Variants in GALNS observed in about 807,000 individuals in gnomAD.
GALNS encodes the protein galactosamine (N-acetyl)-6-sulfatase.
GALNS carries 65 observed loss-of-function variants against 65.9 expected under a neutral mutation model. The ratio of observed to expected loss-of-function variants is 0.99; its 90% CI spans 0.81 to 1.21. The LOEUF (loss-of-function observed/expected upper bound fraction) is 1.21. Ranked by LOEUF, GALNS falls within the 50% of genes most tolerant of loss-of-function variation. The pLI, the probability that GALNS is intolerant of heterozygous loss-of-function variation, is 0.00. For synonymous variants in GALNS, 346 were observed against 288.9 expected, an observed-to-expected ratio of 1.20 and a Z score of -2.00; for missense variants, 776 against 700.7, an observed-to-expected ratio of 1.11 and a Z score of -1.21.
chr16:88,823,945 C>G (rs996649631), intron 11 of GALNS, among the ~76,000 whole-genome samples: 1 of 152,178 alleles, frequency 6.6e-6, no homozygotes, highest in African/African-American at 2.4e-5. Context: ...GGGGCCTGCA[C>G]AGGGTGGGGA....
chr16:88,816,974 C>A, intron 13 of GALNS: 3 of 985,468 alleles, frequency 3.0e-6, no homozygotes, highest in Non-Finnish European at 3.6e-6. Context: ...CCACTGTGCT[C>A]GGTGGGCTCT....
In GALNS at chr16:88,817,309, T is replaced by C. The variant is rs1360507617; in HGVS notation, c.1482+698A>G. On this transcript the variant is annotated intron_variant, in intron 13 of 13. Coordinates refer to ENST00000268695, the MANE Select transcript of GALNS (RefSeq NM_000512.5). The stretch of plus-strand genomic sequence containing the variant: ...TTCAGTGAAACTTTGGAGGCACGTC[T>C]GTGCTTGTGTTTCTGGCCGATGCTG... The C allele has an allele frequency of 3.0e-6, 3 of 985,312 alleles. No homozygotes were observed. The East Asian group carries it at 3.4e-4, about 112-fold the overall frequency. The allele number at this position is 985,312 out of a possible 1,614,324, so 61.0% of individuals were successfully genotyped here.
rs1909393560 is a variant in GALNS, at chr16:88,814,196, C to A, written c.*243G>T. The A allele has an allele frequency of 1.7e-6, 1 of 594,338 alleles. No individual in the cohort carries two copies. The highest frequency in any genetic ancestry group is 2.9e-5 in the East Asian group (1 of 34,766). The allele number at this position is 594,338 out of a possible 1,614,324, so 36.8% of individuals were successfully genotyped here. A position where few individuals can be genotyped will look rare whatever the true frequency, so the allele number is the denominator to read the frequency against. On this transcript the variant is annotated 3_prime_UTR_variant, in exon 14 of 14. Coordinates refer to ENST00000268695, the MANE Select transcript of GALNS (RefSeq NM_000512.5). ...GCGTGAGACGGCAGGGTCCTGAGGTCTGAGGCGCCGTGGGCGAGGAGGAGG... is the reference window on the plus strand; with the variant it reads ...GCGTGAGACGGCAGGGTCCTGAGGTATGAGGCGCCGTGGGCGAGGAGGAGG...
At chr16:88,828,229 T>C (rs1911129158) in intron 9 of GALNS, among the ~76,000 whole-genome samples, 1 of 151,814 alleles carries the variant, frequency 6.6e-6, no homozygotes, top group African/African-American at 2.4e-5. Flanking sequence ...CCAGATGCTT[T>C]TGTCATCTGA....
intron 1 of GALNS, chr16:88,844,917 C>T (rs1967171879): frequency 6.6e-6 from 1 of 152,408 alleles, no homozygotes; most frequent in Admixed American, 6.5e-5. Flanking sequence ...AGCAGATGTG[C>T]ACGCTCTGTG....
intron 7 of GALNS, 74 bp from the exon 8 acceptor site, chr16:88,835,426 C>T (rs945857610): frequency 2.2e-5 from 35 of 1,573,938 alleles, no homozygotes; most frequent in Middle Eastern, 3.4e-4. Flanking sequence ...CAACGGCATA[C>T]TGTGATTCAC....
chr16:88,833,845 T>C (rs1318499025), intron 8 of GALNS, among the ~76,000 whole-genome samples: 2 of 152,262 alleles, frequency 1.3e-5, no homozygotes, highest in Non-Finnish European at 2.9e-5. Context: ...TAGGTACATA[T>C]ACCATTTGTT....
chr16:88,850,254 G>A (rs372599989), intron 1 of GALNS, among the ~76,000 whole-genome samples: 10 of 152,166 alleles, frequency 6.6e-5, no homozygotes, highest in Non-Finnish European at 1.2e-4. Context: ...CTGGGAGTGA[G>A]GCCGCACATC....
chr16:88,855,517 C>T (rs1178665575), intron 1 of GALNS: 2 of 702,228 alleles, frequency 2.8e-6, no homozygotes, highest in African/African-American at 1.7e-5. Flanking sequence ...CTCTGGAAAG[C>T]AGTCACTGCA....
chr16:88,850,375 T>A (rs1967450832), intron 1 of GALNS, among the ~76,000 whole-genome samples: 2 of 152,248 alleles, frequency 1.3e-5, no homozygotes, highest in Admixed American at 1.3e-4. Flanking sequence ...TGCGTCCGGA[T>A]CTGCTTGTGC....
chr16:88,836,562 G>A (rs940680568), intron 5 of GALNS, among the ~76,000 whole-genome samples: 1 of 152,144 alleles, frequency 6.6e-6, no homozygotes, highest in African/African-American at 2.4e-5. Context: ...GCTGAGGCAG[G>A]AGAATTGCTT....
intron 9 of GALNS, among the ~76,000 whole-genome samples, chr16:88,829,751 T>G (rs969842120): frequency 6.6e-6 from 1 of 152,192 alleles, no homozygotes; most frequent in Non-Finnish European, 1.5e-5. Flanking sequence ...TTTCCTGATG[T>G]GTAGAATGAG....
Position 88,856,862 on chromosome 16 carries a change from C to T in GALNS, c.16G>A (p.Ala6Thr). 1 of 1,509,996 alleles carries T rather than the reference C, an allele frequency of 6.6e-7. No homozygotes were observed. The highest frequency in any genetic ancestry group is 2.7e-5 in the East Asian group (1 of 37,122). 93.5% of individuals were successfully genotyped at this position (1,509,996 alleles called of 1,614,324 possible). A position where few individuals can be genotyped will look rare whatever the true frequency, so the allele number is the denominator to read the frequency against. The change falls in exon 1 of 14, where the codon GCG (alanine) becomes ACG (threonine). Residue 6 changes from alanine to threonine, a missense_variant. Coordinates refer to ENST00000268695, the MANE Select transcript of GALNS (RefSeq NM_000512.5). MAAVV[A>T]ATRWWQLLLV... ...AACAGCTGCCACCACCTCGTCGCCGCGACAACCGCCGCCATGGCAACCACG... is the reference window on the plus strand; with the variant it reads ...AACAGCTGCCACCACCTCGTCGCCGTGACAACCGCCGCCATGGCAACCACG...
rs1167248088 is a variant in GALNS, at chr16:88,813,803, C to G, written c.*636G>C. 6.4e-6 allele frequency: 1 copy of G among 155,314 alleles called. No homozygotes were observed. The highest frequency in any genetic ancestry group is 6.3e-5 in the Admixed American group (1 of 15,970). The allele number at this position is 155,314 out of a possible 1,614,324, so 9.6% of individuals were successfully genotyped here. ...ATAACATAGTTACAATGATAAGAAGCTACACGCCTCCCTCATAATTAGCGT... is the reference window on the plus strand; with the variant it reads ...ATAACATAGTTACAATGATAAGAAGGTACACGCCTCCCTCATAATTAGCGT... On this transcript the variant is annotated 3_prime_UTR_variant, in exon 14 of 14. Coordinates refer to ENST00000268695, the MANE Select transcript of GALNS (RefSeq NM_000512.5).
At chr16:88,851,101 T>A (rs1291307517) in intron 1 of GALNS, among the ~76,000 whole-genome samples, 1 of 152,112 alleles carries the variant, frequency 6.6e-6, no homozygotes, top group African/African-American at 2.4e-5. Flanking sequence ...ATCGGCGCCT[T>A]TCTTGGCTAT....
chr16:88,839,136 C>G (rs1199975482), intron 4 of GALNS, among the ~76,000 whole-genome samples: 1 of 151,774 alleles, frequency 6.6e-6, no homozygotes, highest in African/African-American at 2.4e-5. Context: ...CGCCCAACCA[C>G]AGGGGACACT....
chr16:88,848,438 C>T (rs753257254), intron 1 of GALNS, among the ~76,000 whole-genome samples: 17 of 152,122 alleles, frequency 1.1e-4, no homozygotes, highest in Non-Finnish European at 2.1e-4. Flanking sequence ...TCGAGACCAT[C>T]CTTGCTAACA....
rs763527731 is a variant in GALNS, at chr16:88,835,378, T to C, written c.759-26A>G. 17 of 1,612,796 alleles carry C rather than the reference T, an allele frequency of 1.1e-5. No homozygotes were observed. In the East Asian group the frequency reaches 3.8e-4, roughly 36 times the overall value. ...CTGCAGGATGGTGACAAAAGGCATC[T>C]CCATACCTGGAGGATGGTGACAAAT... On this transcript the variant is annotated intron_variant, in intron 7 of 13. Transcript: ENST00000268695.
At chr16:88,856,021 C>T (rs1227766918) in intron 1 of GALNS, 2 of 609,124 alleles carry the variant, frequency 3.3e-6, no homozygotes, top group African/African-American at 3.7e-5. Context: ...AGGGTTTCAA[C>T]CCAGGTGTGT....
Sources: allele counts gnomAD v4.1 joint callset (sites outside exome capture counted in the v4.1 genomes callset), GRCh38; gene constraint gnomAD v4.1.1; transcripts MANE v1.5; gene names NCBI Gene and HGNC (gene_info 2026-07-23, HGNC 2026-07-21).